CTIF: variants seen among roughly 807,000 people sequenced by gnomAD.
The protein encoded by CTIF is cap binding complex dependent translation initiation factor, also known as CBP80/20-dependent translation initiation factor.
A neutral mutation model predicts 66.0 loss-of-function variants in CTIF; 21 were observed. The ratio of observed to expected loss-of-function variants is 0.32; its 90% CI spans 0.23 to 0.46. The LOEUF is 0.46. Among genes scored for constraint, CTIF ranks in the 20% least tolerant of loss-of-function variants. The pLI is 1.00. For missense variants in CTIF, 739 were observed against 812.7 expected, an observed-to-expected ratio of 0.91 and a Z score of 1.10; for synonymous variants, 345 against 326.4, an observed-to-expected ratio of 1.06 and a Z score of -0.62.
intron 3 of CTIF, among the ~76,000 whole-genome samples, chr18:48,649,952 A>G (rs899515912): frequency 6.6e-6 from 1 of 152,230 alleles, no homozygotes; most frequent in Non-Finnish European, 1.5e-5. Flanking sequence ...AAGGACATCC[A>G]CACCAAAGCC....
At chr18:48,706,724 G>A (rs1322365645) in intron 6 of CTIF, among the ~76,000 whole-genome samples, 1 of 152,130 alleles carries the variant, frequency 6.6e-6, no homozygotes, top group East Asian at 1.9e-4. Context: ...GCAATAACAT[G>A]CCGCCCCTCA....
intron 1 of CTIF, among the ~76,000 whole-genome samples, chr18:48,582,109 G>A (rs1259303547): frequency 6.6e-6 from 1 of 151,958 alleles, no homozygotes; most frequent in Non-Finnish European, 1.5e-5. Flanking sequence ...GCGTGGTGGG[G>A]TGTGGGGGCT....
At chr18:48,655,985 G>C (rs1208678263) in intron 3 of CTIF, among the ~76,000 whole-genome samples, 1 of 152,208 alleles carries the variant, frequency 6.6e-6, no homozygotes, top group Non-Finnish European at 1.5e-5. Flanking sequence ...CACTGCATCT[G>C]ACTTTGTATG....
chr18:48,757,723 G>T (rs1908526865), intron 7 of CTIF, among the ~76,000 whole-genome samples, 196 bp from the exon 8 acceptor site: 1 of 152,198 alleles, frequency 6.6e-6, no homozygotes, highest in Non-Finnish European at 1.5e-5. Flanking sequence ...CAGTAGCAAG[G>T]ACCGGTCTGC....
chr18:48,848,019 G>A (rs1599159476), intron 10 of CTIF, among the ~76,000 whole-genome samples: 1 of 152,144 alleles, frequency 6.6e-6, no homozygotes, highest in Admixed American at 6.5e-5. Context: ...CAGGGTGGAT[G>A]GGCCAGCTGT....
chr18:48,609,845 G>A (rs967621336), intron 1 of CTIF, among the ~76,000 whole-genome samples: 2 of 152,236 alleles, frequency 1.3e-5, no homozygotes, highest in Admixed American at 1.3e-4. Flanking sequence ...GGAGGCTCTT[G>A]AATGTCATGG....
intron 9 of CTIF, among the ~76,000 whole-genome samples, chr18:48,788,985 G>T (rs1341699912): frequency 6.6e-6 from 1 of 152,162 alleles, no homozygotes; most frequent in Non-Finnish European, 1.5e-5. Flanking sequence ...GAGACCCTGG[G>T]CAGACTCAGG....
At chr18:48,723,684 C>T (rs1306110742) in intron 7 of CTIF, among the ~76,000 whole-genome samples, 1 of 152,172 alleles carries the variant, frequency 6.6e-6, no homozygotes, top group Non-Finnish European at 1.5e-5. Flanking sequence ...CATGAGGGTG[C>T]CTTTCACTCC....
intron 10 of CTIF, 88 bp downstream of exon 10, chr18:48,817,464 G>C: frequency 6.8e-7 from 1 of 1,478,274 alleles, no homozygotes; most frequent in Non-Finnish European, 9.1e-7. Flanking sequence ...AAGCTGTGAG[G>C]GTAGGCTCAC....
intron 3 of CTIF, among the ~76,000 whole-genome samples, chr18:48,643,865 C>T (rs1333471150): frequency 1.3e-5 from 2 of 152,170 alleles, no homozygotes; most frequent in African/African-American, 2.4e-5. Context: ...GCAGGAAGCT[C>T]AGAGGTCACC....
intron 10 of CTIF, among the ~76,000 whole-genome samples, chr18:48,851,980 C>T (rs902546918): frequency 5.9e-5 from 9 of 152,100 alleles, no homozygotes; most frequent in Admixed American, 1.3e-4. Flanking sequence ...TATAATTTAC[C>T]TAGCACTTTG....
chr18:48,631,112 T>TCTC (rs758550273), intron 2 of CTIF, among the ~76,000 whole-genome samples: 4 of 152,330 alleles, frequency 2.6e-5, no homozygotes, highest in Non-Finnish European at 4.4e-5. Flanking sequence ...CTTGCTTCTC[T>TCTC]CTCCTCCTCC....
At position 48,859,985 on chromosome 18, in the gene CTIF, G is replaced by A. The variant is rs746134049; in HGVS notation, c.*426G>A. The A allele has an allele frequency of 6.5e-6, 3 of 461,906 alleles. No homozygotes were observed. The highest frequency in any genetic ancestry group is 6.8e-5 in the East Asian group (1 of 14,614). The allele number at this position is 461,906 out of a possible 1,614,324, so 28.6% of individuals were successfully genotyped here. ...CCTCGGAAGGCTGAAAAAGTGGGTC[G>A]GAGACGGGCTCGCATTGTTCCCGCA... On this transcript the variant is annotated 3_prime_UTR_variant, in exon 12 of 12. Transcript: ENST00000256413.
chr18:48,792,739 C>G (rs978151033), intron 9 of CTIF, among the ~76,000 whole-genome samples: 5 of 152,116 alleles, frequency 3.3e-5, no homozygotes, highest in Non-Finnish European at 7.4e-5. Context: ...AACCTAAGAT[C>G]TGGGGCCTGG....
chr18:48,665,910 A>G (rs955802329), intron 5 of CTIF, among the ~76,000 whole-genome samples: 2 of 152,104 alleles, frequency 1.3e-5, no homozygotes, highest in African/African-American at 4.8e-5. Context: ...CCTTTTGGCT[A>G]TTGTCAAAAA....
chr18:48,800,903 C>T (rs1348206593), intron 9 of CTIF, among the ~76,000 whole-genome samples: 1 of 152,214 alleles, frequency 6.6e-6, no homozygotes, highest in African/African-American at 2.4e-5. Context: ...CAATCTCAGG[C>T]GTGTCCTCAA....
At chr18:48,616,064 C>CGCAGAGCCGGCCAGAGGCTGCTGCTGCAG (rs1568075575) in intron 1 of CTIF, among the ~76,000 whole-genome samples, 7 of 152,194 alleles carry the variant, frequency 4.6e-5, no homozygotes, top group African/African-American at 1.7e-4. Flanking sequence ...GGGAGAGCCC[C>CGCAGAGCCGGCCAGAGGCTGCTGCTGCAG]GCAGAGCCGG....
intron 3 of CTIF, among the ~76,000 whole-genome samples, chr18:48,647,253 T>G (rs1169194344): frequency 6.6e-6 from 1 of 152,168 alleles, no homozygotes; most frequent in African/African-American, 2.4e-5. Flanking sequence ...GAGGGCAAAG[T>G]AATAGAAACG....
chr18:48,838,606 T>C (rs371376622), intron 10 of CTIF, among the ~76,000 whole-genome samples: 1 of 152,318 alleles, frequency 6.6e-6, no homozygotes, highest in East Asian at 1.9e-4. Flanking sequence ...GCTCAAAGTA[T>C]ATGCATTACT....
Sources: allele counts gnomAD v4.1 joint callset (sites outside exome capture counted in the v4.1 genomes callset), GRCh38; gene constraint gnomAD v4.1.1; transcripts MANE v1.5; gene names NCBI Gene and HGNC (gene_info 2026-07-23, HGNC 2026-07-21).